The following CMSS1 variants were observed in gnomAD, a reference collection of about 807,000 sequenced individuals.
CMSS1 encodes cms1 ribosomal small subunit homolog.
Under a neutral mutation model 43.5 loss-of-function variants are expected in CMSS1, and 33 were observed. The ratio of observed to expected loss-of-function variants is 0.76; its 90% CI spans 0.57 to 1.01. The LOEUF is 1.01. Among genes scored for constraint, CMSS1 ranks in the 50% least tolerant of loss-of-function variants. CMSS1 has a pLI of 0.00. For missense variants in CMSS1, 313 were observed against 326.4 expected, an observed-to-expected ratio of 0.96 and a Z score of 0.32; for synonymous variants, 115 against 117.2, an observed-to-expected ratio of 0.98 and a Z score of 0.12.
At chr3:99,881,294 T>C (rs968126892) in intron 1 of CMSS1, among the ~76,000 whole-genome samples, 4 of 152,254 alleles carry the variant, frequency 2.6e-5, no homozygotes, top group African/African-American at 9.6e-5. Flanking sequence ...GTCCATTTGC[T>C]TATTTATTCC....
chr3:100,153,268 A>C (rs1377076028), intron 2 of CMSS1, among the ~76,000 whole-genome samples: 2 of 152,216 alleles, frequency 1.3e-5, no homozygotes, highest in Non-Finnish European at 2.9e-5. Flanking sequence ...AATTTTGCCT[A>C]TTCTAAAATG....
intron 1 of CMSS1, among the ~76,000 whole-genome samples, chr3:100,145,034 T>A (rs997834261): frequency 2.0e-5 from 3 of 152,220 alleles, no homozygotes; most frequent in Admixed American, 2.0e-4. Flanking sequence ...AGAGATCCTA[T>A]AAATACTTTT....
chr3:100,144,310 A>G (rs1423616085), intron 1 of CMSS1, among the ~76,000 whole-genome samples: 1 of 152,168 alleles, frequency 6.6e-6, no homozygotes, highest in Admixed American at 6.5e-5. Flanking sequence ...CTGCTGGGTG[A>G]TATAGAAAGT....
chr3:99,938,050 A>AGTGTGTGTGTGT (rs71625545), intron 1 of CMSS1, among the ~76,000 whole-genome samples: 16 of 148,902 alleles, frequency 1.1e-4, no homozygotes, highest in African/African-American at 4.0e-4. Flanking sequence ...AGGCTCAGGA[A>AGTGTGTGTGTGT]GTGTGTGTGT....
intron 1 of CMSS1, among the ~76,000 whole-genome samples, chr3:99,862,743 G>A (rs751183042): frequency 1.8e-4 from 28 of 152,250 alleles, no homozygotes; most frequent in Non-Finnish European, 3.4e-4. Context: ...CTTTGTGTTC[G>A]TTGTCTCTGG....
Position 100,171,998 on chromosome 3 carries a change from A to G in CMSS1, c.579+99A>G, listed in dbSNP as rs540500935. On this transcript the variant is annotated intron_variant, in intron 7 of 9. Transcript: ENST00000421999. ...AATCTCCTTAGCACATATTTTATTG[A>G]GTTCCTTCCTTATGTAACATTTAAC... 7.9e-5 allele frequency: 71 copies of G among 904,044 alleles called. No homozygotes were observed. The African/African-American group carries it at 1.2e-3, about 15-fold the overall frequency. The allele number at this position is 904,044 out of a possible 1,614,324, so 56.0% of individuals were successfully genotyped here.
chr3:99,888,965 T>G (rs192028370), intron 1 of CMSS1, among the ~76,000 whole-genome samples: 49 of 152,314 alleles, frequency 3.2e-4, no homozygotes, highest in African/African-American at 1.2e-3. Flanking sequence ...ATTGATTACA[T>G]TATATTCAGA....
intron 7 of CMSS1, 34 bp from the exon 8 acceptor site, chr3:100,172,282 T>G: frequency 1.3e-6 from 2 of 1,585,162 alleles, no homozygotes. Context: ...TCTTAATGAC[T>G]TCCTTTTCTT....
At chr3:99,898,284 T>G (rs1228871472) in intron 1 of CMSS1, 1 of 152,176 alleles carries the variant, frequency 6.6e-6, no homozygotes, top group African/African-American at 2.4e-5. Flanking sequence ...AATGAAAGAT[T>G]GCAAACAAAT....
At chr3:100,153,596 CTCT>C (rs140502556) in intron 2 of CMSS1, among the ~76,000 whole-genome samples, 9,546 of 152,208 alleles carry the variant, frequency 0.063, 355 homozygotes, top group Non-Finnish European at 0.071. Flanking sequence ...TCCCTGGTGT[CTCT>C]TCTTCTTATA....
At chr3:100,141,734 G>A in intron 1 of CMSS1, 1 of 351,022 alleles carries the variant, frequency 2.8e-6, no homozygotes, top group East Asian at 7.9e-5. Flanking sequence ...CTCCTCTTTT[G>A]GAATAACTTA....
At chr3:100,117,750 CTT>C (rs35951604) in intron 1 of CMSS1, among the ~76,000 whole-genome samples, 1 of 137,374 alleles carries the variant, frequency 7.3e-6, no homozygotes, top group Non-Finnish European at 1.6e-5. Flanking sequence ...AACAGATACA[CTT>C]TTTTTTTTTA....
chr3:99,919,807 T>C (rs1229121899), intron 1 of CMSS1, among the ~76,000 whole-genome samples: 1 of 152,210 alleles, frequency 6.6e-6, no homozygotes, highest in Non-Finnish European at 1.5e-5. Flanking sequence ...AAGTGCTTTG[T>C]TCTTCATTGA....
intron 1 of CMSS1, among the ~76,000 whole-genome samples, chr3:100,034,163 T>C (rs545696903): frequency 3.3e-5 from 5 of 152,290 alleles, no homozygotes; most frequent in African/African-American, 1.2e-4. Context: ...CTAAATTCCA[T>C]TGTGGGGAAA....
At chr3:99,927,589 G>A (rs143853297) in intron 1 of CMSS1, among the ~76,000 whole-genome samples, 3 of 151,836 alleles carry the variant, frequency 2.0e-5, no homozygotes, top group East Asian at 3.9e-4. Flanking sequence ...GGCTGGTCTC[G>A]AATTCCCGAC....
intron 1 of CMSS1, among the ~76,000 whole-genome samples, chr3:99,970,579 G>A (rs1708783376): frequency 6.6e-6 from 1 of 152,134 alleles, no homozygotes; most frequent in African/African-American, 2.4e-5. Context: ...TGCTTTCCTT[G>A]TAGTTTACTA....
chr3:100,107,153 C>T lies in CMSS1; in HGVS notation c.65-39820C>T, dbSNP rs548414056. On this transcript the variant is annotated intron_variant, in intron 1 of 9. Coordinates refer to ENST00000421999, the MANE Select transcript of CMSS1 (RefSeq NM_032359.4). ...TAAAAAAAAATCCTTGTTTTATATACAGATTAATTCCACTAGACCTAGCTG... is the reference window on the plus strand; with the variant it reads ...TAAAAAAAAATCCTTGTTTTATATATAGATTAATTCCACTAGACCTAGCTG... Among the ~76,000 whole-genome samples, 6 of 152,224 alleles carry T rather than the reference C, an allele frequency of 3.9e-5. No individual in the cohort carries two copies. In the East Asian group the frequency reaches 1.2e-3, roughly 29 times the overall value.
At chr3:99,850,224 G>A in intron 1 of CMSS1, 11 of 1,613,462 alleles carry the variant, frequency 6.8e-6, no homozygotes, top group Non-Finnish European at 9.3e-6. Flanking sequence ...CTTTTAGAGT[G>A]AATTCTGTCT....
intron 1 of CMSS1, among the ~76,000 whole-genome samples, chr3:99,911,838 A>G (rs1304924430): frequency 6.6e-6 from 1 of 151,790 alleles, no homozygotes; most frequent in Non-Finnish European, 1.5e-5. Context: ...TTTTTTTCCT[A>G]GTTCCTAGTT....
Sources: gnomAD v4.1 joint callset for allele counts (sites outside exome capture counted in the v4.1 genomes callset) on GRCh38, gnomAD v4.1.1 for gene constraint, MANE v1.5 for transcripts, NCBI Gene and HGNC (gene_info 2026-07-23, HGNC 2026-07-21) for gene names.